The following KLF8 variants were observed in gnomAD, a reference collection of about 807,000 sequenced individuals.
The protein encoded by KLF8 is KLF transcription factor 8.
KLF8 carries 10 observed loss-of-function variants against 18.2 expected under a neutral mutation model. That is an observed-to-expected ratio of 0.55 (90% CI 0.34 to 0.93). The LOEUF (loss-of-function observed/expected upper bound fraction) is 0.93. Ranked by LOEUF, KLF8 falls within the 40% of genes least tolerant of loss-of-function variation. The pLI is 0.02. For missense variants in KLF8, 264 were observed against 277.9 expected, an observed-to-expected ratio of 0.95 and a Z score of 0.36; for synonymous variants, 109 against 97.3, an observed-to-expected ratio of 1.12 and a Z score of -0.71.
chrX:56,095,490 G>A, the KLF8 span, among the ~76,000 whole-genome samples: 6 of 105,363 alleles, frequency 5.7e-5, no homozygotes, highest in Non-Finnish European at 9.6e-5. Flanking sequence ...CTTCTGCACA[G>A]CAAAAAAAAA....
chrX:56,069,098 C>T, the KLF8 span, among the ~76,000 whole-genome samples: 1 of 111,356 alleles, frequency 9.0e-6, no homozygotes, highest in African/African-American at 3.3e-5. Flanking sequence ...TCCCAGGAAC[C>T]ACTCAGATGG....
At chrX:56,202,268 GT>G in the KLF8 span, among the ~76,000 whole-genome samples, 9 of 109,573 alleles carry the variant, frequency 8.2e-5, no homozygotes, top group African/African-American at 2.3e-4. Flanking sequence ...TGTTTGTTGG[GT>G]TTTTTTGTTT....
the KLF8 span, among the ~76,000 whole-genome samples, chrX:55,972,595 A>C: frequency 1.6e-4 from 18 of 111,556 alleles, no homozygotes; most frequent in South Asian, 4.1e-3. Flanking sequence ...ATTTACCCTG[A>C]TGTGATAGTT....
chrX:56,073,848 C>T, the KLF8 span, among the ~76,000 whole-genome samples: 41 of 108,634 alleles, frequency 3.8e-4, no homozygotes, highest in Admixed American at 4.0e-3. Context: ...CCAGTTCATG[C>T]GATTCTCCAG....
At chrX:56,163,259 T>C in the KLF8 span, among the ~76,000 whole-genome samples, 4 of 111,677 alleles carry the variant, frequency 3.6e-5, no homozygotes, top group African/African-American at 1.3e-4. Flanking sequence ...GCATCTGTTA[T>C]TTTTTTGACT....
intron 5 of KLF8, among the ~76,000 whole-genome samples, chrX:56,277,721 T>A (rs2067141247): frequency 8.9e-6 from 1 of 112,629 alleles, no homozygotes; most frequent in Non-Finnish European, 1.9e-5. Context: ...AAGCCGTACT[T>A]ATGTCTTTTC....
the KLF8 span, among the ~76,000 whole-genome samples, chrX:55,959,084 A>T: frequency 8.9e-6 from 1 of 112,250 alleles, no homozygotes; most frequent in African/African-American, 3.2e-5. Context: ...AACCTCAAGG[A>T]AGCAGAGAAA....
At chrX:56,165,263 G>A in the KLF8 span, among the ~76,000 whole-genome samples, 1 of 111,643 alleles carries the variant, frequency 9.0e-6, no homozygotes, top group African/African-American at 3.3e-5. Context: ...ATTGCTTTGG[G>A]CAGTATCTGC....
chrX:56,228,422 G>A (rs1602396861), upstream of KLF8, among the ~76,000 whole-genome samples: 1 of 111,804 alleles, frequency 8.9e-6, no homozygotes, highest in East Asian at 2.8e-4. Flanking sequence ...CTTGGAAAGG[G>A]GCGTAAAGCT....
Position 56,288,384 on chromosome X carries a change from C to T in KLF8, c.*3890C>T, listed in dbSNP as rs770904287. The stretch of plus-strand genomic sequence containing the variant: ...CCTTGACACTTTTGAGAGAGATTTT[C>T]CTCAACTGGGATTTGTCAGTTGTCT... On this transcript the variant is annotated 3_prime_UTR_variant, in exon 6 of 6. Transcript: ENST00000468660. Among the ~76,000 whole-genome samples, 2 of 111,470 alleles carry T rather than the reference C, an allele frequency of 1.8e-5. No individual in the cohort carries two copies. Among genetic ancestry groups the T allele is most frequent in the Non-Finnish European group, 3.8e-5 (2 of 53,117 alleles).
At chrX:56,001,202 G>C in the KLF8 span, among the ~76,000 whole-genome samples, 1 of 112,197 alleles carries the variant, frequency 8.9e-6, no homozygotes, top group Admixed American at 9.4e-5. Flanking sequence ...TGTACAATGT[G>C]TACTTTTTTC....
the KLF8 span, among the ~76,000 whole-genome samples, chrX:56,215,409 C>A: frequency 9.0e-6 from 1 of 111,037 alleles, no homozygotes; most frequent in South Asian, 3.8e-4. Context: ...AGGCCCAAGT[C>A]GAGGCTCAGA....
chrX:56,080,420 C>T, the KLF8 span, among the ~76,000 whole-genome samples: 1 of 110,718 alleles, frequency 9.0e-6, no homozygotes, highest in Non-Finnish European at 1.9e-5. Context: ...CTTAGTTTGG[C>T]TGGATATGAA....
the KLF8 span, among the ~76,000 whole-genome samples, chrX:56,078,479 C>T: frequency 5.4e-5 from 6 of 111,858 alleles, no homozygotes; most frequent in African/African-American, 1.9e-4. Flanking sequence ...GCCTTGCATC[C>T]CAGGGATGAA....
At chrX:56,088,212 C>T in the KLF8 span, among the ~76,000 whole-genome samples, 1 of 111,101 alleles carries the variant, frequency 9.0e-6, no homozygotes, top group African/African-American at 3.3e-5. Context: ...CAACGTATAC[C>T]TAGAAAAAAT....
At chrX:56,124,655 G>A in the KLF8 span, among the ~76,000 whole-genome samples, 1 of 111,758 alleles carries the variant, frequency 8.9e-6, no homozygotes, top group African/African-American at 3.3e-5. Context: ...AGTCTCTGTG[G>A]GCTCAGTTTA....
In KLF8 at chrX:56,258,502, C is replaced by T. The variant is rs12688337; in HGVS notation, c.82-6678C>T. On this transcript the variant is annotated intron_variant, in intron 2 of 5. Coordinates refer to ENST00000468660, the MANE Select transcript of KLF8 (RefSeq NM_007250.5). ...ATGTTAGCCAGGATGGTCTTGATCT[C>T]CTGACCTCGTGATCTGCCAGCCTCG... Among the ~76,000 whole-genome samples the T allele has an allele frequency of 2.0e-4, 22 of 112,126 alleles. No homozygotes were observed. The East Asian group carries it at 5.1e-3, about 26-fold the overall frequency.
chrX:56,165,170 G>A, the KLF8 span, among the ~76,000 whole-genome samples: 1 of 110,695 alleles, frequency 9.0e-6, no homozygotes, highest in East Asian at 2.8e-4. Flanking sequence ...CAACCCAAAT[G>A]TCCATATGAA....
chrX:55,930,245 C>G, the KLF8 span, among the ~76,000 whole-genome samples: 24,405 of 111,584 alleles, frequency 0.22, 5,438 homozygotes, highest in African/African-American at 0.69. Flanking sequence ...TATCCTGAGA[C>G]TTTGCTGAAG....
Sources: allele counts gnomAD v4.1 joint callset (sites outside exome capture counted in the v4.1 genomes callset), GRCh38; gene constraint gnomAD v4.1.1; transcripts MANE v1.5; gene names NCBI Gene and HGNC (gene_info 2026-07-23, HGNC 2026-07-21).